CIT: variants seen among roughly 807,000 people sequenced by gnomAD.
CIT encodes the protein citron rho-interacting serine/threonine kinase.
Under a neutral mutation model 272.7 loss-of-function variants are expected in CIT, and 79 were observed. That is an observed-to-expected ratio of 0.29 (90% CI 0.24 to 0.35). The LOEUF is 0.35. CIT is among the 10% of genes least tolerant of loss of function. CIT has a pLI of 1.00. For synonymous variants in CIT, 948 were observed against 995.6 expected, an observed-to-expected ratio of 0.95 and a Z score of 0.90; for missense variants, 1,909 against 2,618.3, an observed-to-expected ratio of 0.73 and a Z score of 5.91.
chr12:119,800,193 G>C lies in CIT; in HGVS notation c.1295+3013C>G, dbSNP rs982488923. 2.0e-5 allele frequency among the ~76,000 whole-genome samples: 3 copies of C among 152,232 alleles called. No homozygotes were observed. The South Asian group carries it at 6.2e-4, about 32-fold the overall frequency. Reference sequence around the variant, plus strand: ...AACAGCCAGGCATTCAGAGCTTGGGGATTTGGTTTGGGCTCTTGCTGGTTA... The same window carrying C: ...AACAGCCAGGCATTCAGAGCTTGGGCATTTGGTTTGGGCTCTTGCTGGTTA... On this transcript the variant is annotated intron_variant, in intron 10 of 47. Coordinates refer to ENST00000392521, the MANE Select transcript of CIT (RefSeq NM_001206999.2).
At chr12:119,696,942 C>T (rs1956255033) in intron 46 of CIT, among the ~76,000 whole-genome samples, 1 of 152,222 alleles carries the variant, frequency 6.6e-6, no homozygotes, top group Admixed American at 6.5e-5. Flanking sequence ...GATGCCTGCA[C>T]AACATTCCTT....
chr12:119,852,730 A>G (rs931637737), intron 4 of CIT, among the ~76,000 whole-genome samples: 2 of 151,792 alleles, frequency 1.3e-5, no homozygotes, highest in Non-Finnish European at 2.9e-5. Flanking sequence ...AAACTGTATA[A>G]ATCAACTGCT....
chr12:119,715,957 T>A (rs1300885313), intron 32 of CIT, among the ~76,000 whole-genome samples: 1 of 152,188 alleles, frequency 6.6e-6, no homozygotes, highest in East Asian at 1.9e-4. Flanking sequence ...TGAAACTGTG[T>A]GGTGCAGTAT....
intron 3 of CIT, among the ~76,000 whole-genome samples, chr12:119,863,536 T>G (rs578007425): frequency 6.6e-6 from 1 of 152,056 alleles, no homozygotes; most frequent in African/African-American, 2.4e-5. Context: ...TTTTTTTGTT[T>G]GTTTGTTTTG....
chr12:119,847,493 C>A (rs998055010), intron 5 of CIT, among the ~76,000 whole-genome samples: 154 of 152,110 alleles, frequency 1.0e-3, no homozygotes, highest in African/African-American at 3.7e-3. Context: ...ACACAGGAGG[C>A]TAAGACAGGA....
Position 119,869,100 on chromosome 12 carries a change from A to G in CIT, c.198T>C (p.Ala66=). 6.2e-7 allele frequency: 1 copy of G among 1,612,578 alleles called. No individual in the cohort carries two copies. The change falls in exon 3 of 48, where the codon GCT becomes GCC. Residue 66 remains alanine, a synonymous_variant. Coordinates refer to ENST00000392521, the MANE Select transcript of CIT (RefSeq NM_001206999.2). ...TGCTCACGTGCTTAATCTTCATCAGAGCAGGCTGACTGCATTCTTCAAAGA... is the reference window on the plus strand; with the variant it reads ...TGCTCACGTGCTTAATCTTCATCAGGGCAGGCTGACTGCATTCTTCAAAGA... ...FVLFEECSQP[A]LMKIKHVSNF...
intron 3 of CIT, among the ~76,000 whole-genome samples, chr12:119,863,831 A>G (rs1027753660): frequency 2.8e-4 from 43 of 151,792 alleles, no homozygotes; most frequent in African/African-American, 1.0e-3. Flanking sequence ...CGCCGGACCA[A>G]AAGTTTTAAA....
intron 12 of CIT, chr12:119,783,699 T>C (rs1964511933): frequency 2.0e-6 from 1 of 504,494 alleles, no homozygotes; most frequent in Non-Finnish European, 3.4e-6. Context: ...CTGCACTTTC[T>C]GCTGGAAATG....
intron 37 of CIT, among the ~76,000 whole-genome samples, chr12:119,711,503 G>A (rs764427705): frequency 1.3e-5 from 2 of 152,190 alleles, no homozygotes; most frequent in Non-Finnish European, 2.9e-5. Context: ...CTGCTTCGTG[G>A]CCAAAGTGCT....
chr12:119,688,357 C>A, intron 47 of CIT, 102 bp from the exon 48 acceptor site: 2 of 1,169,792 alleles, frequency 1.7e-6, no homozygotes, highest in Non-Finnish European at 1.3e-6. Context: ...GGGCTATCCC[C>A]TTCAGCAGCT....
chr12:119,828,129 G>T (rs1319333887), intron 7 of CIT, among the ~76,000 whole-genome samples: 1 of 151,972 alleles, frequency 6.6e-6, no homozygotes, highest in East Asian at 1.9e-4. Context: ...ACTAATTTTT[G>T]CCCCCTAACA....
intron 9 of CIT, chr12:119,803,988 C>CCT: frequency 5.5e-6 from 1 of 180,966 alleles, no homozygotes; most frequent in Non-Finnish European, 1.0e-5. Context: ...TTATTAACCA[C>CCT]TTTTTTTTTT....
intron 9 of CIT, among the ~76,000 whole-genome samples, chr12:119,815,105 A>ACAAC (rs58388824): frequency 1.4e-3 from 199 of 143,176 alleles, no homozygotes; most frequent in African/African-American, 4.8e-3. Flanking sequence ...ACACACACAC[A>ACAAC]ACACACACAC....
At chr12:119,695,476 T>C (rs1006068308) in intron 46 of CIT, among the ~76,000 whole-genome samples, 6 of 152,120 alleles carry the variant, frequency 3.9e-5, no homozygotes, top group African/African-American at 1.4e-4. Flanking sequence ...GGTACCAAAA[T>C]CTATGGATGT....
intron 22 of CIT, among the ~76,000 whole-genome samples, chr12:119,755,557 T>C (rs1960847033): frequency 6.6e-6 from 1 of 152,224 alleles, no homozygotes; most frequent in Non-Finnish European, 1.5e-5. Flanking sequence ...CCAGCCTGGG[T>C]GTTCAGCTTC....
At chr12:119,691,736 C>T (rs1010412187) in intron 46 of CIT, among the ~76,000 whole-genome samples, 4 of 152,236 alleles carry the variant, frequency 2.6e-5, no homozygotes, top group Non-Finnish European at 5.9e-5. Context: ...CAAACTCCCT[C>T]TCTGAAGATG....
At chr12:119,762,822 T>G (rs2137516002) in intron 19 of CIT, among the ~76,000 whole-genome samples, 1 of 152,114 alleles carries the variant, frequency 6.6e-6, no homozygotes, top group East Asian at 1.9e-4. Context: ...GGAGATCGCT[T>G]GGGGACAGAA....
intron 40 of CIT, among the ~76,000 whole-genome samples, chr12:119,707,040 G>GTTC (rs1425455298): frequency 6.8e-6 from 1 of 147,564 alleles, no homozygotes. Context: ...ATTAACTTGA[G>GTTC]TTCTCATGAA....
chr12:119,730,378 G>T (rs1488275051), intron 27 of CIT, 117 bp downstream of exon 27: 3 of 1,221,464 alleles, frequency 2.5e-6, no homozygotes, highest in Admixed American at 5.7e-5. Context: ...TGGAGTGCAT[G>T]AACATATGTT....
Sources: gnomAD v4.1 joint callset for allele counts (sites outside exome capture counted in the v4.1 genomes callset) on GRCh38, gnomAD v4.1.1 for gene constraint, MANE v1.5 for transcripts, NCBI Gene and HGNC (gene_info 2026-07-23, HGNC 2026-07-21) for gene names.